The following CACNA1B variants were observed in gnomAD, a reference collection of about 807,000 sequenced individuals.
CACNA1B encodes the protein voltage-dependent N-type calcium channel subunit alpha-1B.
Under a neutral mutation model 247.2 loss-of-function variants are expected in CACNA1B, and 70 were observed. That is an observed-to-expected ratio of 0.28 (90% CI 0.23 to 0.35). The LOEUF (loss-of-function observed/expected upper bound fraction) is 0.35, where lower values mean the gene tolerates loss of function less well. CACNA1B is among the 10% of genes least tolerant of loss of function. CACNA1B has a pLI of 1.00. For synonymous variants in CACNA1B, 1,231 were observed against 1,294.4 expected (o/e 0.95, Z 1.05); for missense variants, 2,367 against 3,197.4 (o/e 0.74, Z 6.26).
chr9:137,961,630 G>C (rs1020050021), intron 10 of CACNA1B, among the ~76,000 whole-genome samples: 1 of 152,092 alleles, frequency 6.6e-6, no homozygotes, highest in African/African-American at 2.4e-5. Context: ...ATAATCATGT[G>C]GTTTTTGCCT....
intron 3 of CACNA1B, chr9:137,892,443 C>A: frequency 2.3e-6 from 1 of 439,008 alleles, no homozygotes; most frequent in South Asian, 1.6e-5. Flanking sequence ...TGCATCATTG[C>A]ATCGTGAAAT....
chr9:137,883,419 G>T (rs1430164015), intron 3 of CACNA1B, among the ~76,000 whole-genome samples: 1 of 152,216 alleles, frequency 6.6e-6, no homozygotes, highest in African/African-American at 2.4e-5. Context: ...GTGCCAGGAA[G>T]GTGCTTCGGC....
intron 15 of CACNA1B, among the ~76,000 whole-genome samples, chr9:138,002,983 T>TAG (rs999419718): frequency 1.3e-5 from 2 of 151,544 alleles, no homozygotes; most frequent in African/African-American, 2.4e-5. Flanking sequence ...GTATTTTTAG[T>TAG]AGACAGGGTT....
chr9:137,962,788 G>A (rs1958034341), intron 10 of CACNA1B, among the ~76,000 whole-genome samples: 1 of 152,150 alleles, frequency 6.6e-6, no homozygotes, highest in African/African-American at 2.4e-5. Flanking sequence ...GCTGAGGAGT[G>A]TTTGACTTCC....
At chr9:138,065,301 C>T (rs1046770428) in intron 31 of CACNA1B, among the ~76,000 whole-genome samples, 5 of 152,154 alleles carry the variant, frequency 3.3e-5, no homozygotes, top group South Asian at 2.1e-4. Context: ...GCAGGACCAC[C>T]GCTTCCCAAG....
In CACNA1B at chr9:138,084,690, G is replaced by A. The variant is rs532767146; in HGVS notation, c.5094+6432G>A. The stretch of plus-strand genomic sequence containing the variant: ...GAAATCACCAGGTGTGGTGGCTCAC[G>A]CCTGTAATCCCAGCACTTTGGGAGG... On this transcript the variant is annotated intron_variant, in intron 36 of 46. Transcript: ENST00000371372. Among the ~76,000 whole-genome samples, 53 of 151,246 alleles carry A rather than the reference G, an allele frequency of 3.5e-4. 3 individuals carry two copies. Among genetic ancestry groups the A allele is most frequent in the African/African-American group, 1.1e-3 (47 of 40,922 alleles).
intron 3 of CACNA1B, among the ~76,000 whole-genome samples, chr9:137,898,941 A>T (rs1957201918): frequency 6.6e-6 from 1 of 151,412 alleles, no homozygotes; most frequent in South Asian, 2.1e-4. Context: ...CAGCCTCCCT[A>T]AAAATTTTTT....
chr9:137,900,564 C>T (rs113540267), intron 3 of CACNA1B, among the ~76,000 whole-genome samples: 10 of 112,188 alleles, frequency 8.9e-5, no homozygotes, highest in Non-Finnish European at 1.4e-4. Context: ...CTGTGTCTGT[C>T]TATGTGTGTC....
At position 138,023,824 on chromosome 9, in the gene CACNA1B, C is replaced by T; in HGVS notation, c.3068+13C>T. 7.9e-7 allele frequency: 1 copy of T among 1,272,294 alleles called. No homozygotes were observed. Among genetic ancestry groups the T allele is most frequent in the Non-Finnish European group, 1.1e-6 (1 of 894,836 alleles). 78.8% of individuals were successfully genotyped at this position (1,272,294 alleles called of 1,614,324 possible). A position where few individuals can be genotyped will look rare whatever the true frequency, so the allele number is the denominator to read the frequency against. ...ACCACCAGCCCCGGTGAGTCCGCGG[C>T]TGGGCGGGGTCAGGGAGGGAAGGGT... is the stretch of plus-strand genomic sequence containing the variant. On this transcript the variant is annotated intron_variant, in intron 19 of 46. Transcript: ENST00000371372.
At chr9:137,968,544 C>T (rs909761013) in intron 10 of CACNA1B, among the ~76,000 whole-genome samples, 2 of 152,234 alleles carry the variant, frequency 1.3e-5, no homozygotes, top group African/African-American at 2.4e-5. Context: ...TTTAGCCTCA[C>T]GTCACTTTTG....
chr9:137,962,620 T>A (rs1033788418), intron 10 of CACNA1B, among the ~76,000 whole-genome samples: 1 of 152,216 alleles, frequency 6.6e-6, no homozygotes, highest in Non-Finnish European at 1.5e-5. Context: ...ACTTTTTGAT[T>A]TCTGCATTAA....
chr9:137,935,037 C>T (rs190949953), intron 6 of CACNA1B, among the ~76,000 whole-genome samples: 59 of 152,290 alleles, frequency 3.9e-4, no homozygotes, highest in Non-Finnish European at 7.6e-4. Flanking sequence ...AATCAGAAGG[C>T]ACCAGAGAAA....
intron 8 of CACNA1B, among the ~76,000 whole-genome samples, chr9:137,956,294 T>G (rs545892309): frequency 2.0e-5 from 3 of 152,286 alleles, no homozygotes; most frequent in African/African-American, 7.2e-5. Flanking sequence ...CTGAGTCCTC[T>G]TCACAGGGGA....
chr9:138,005,782 G>A (rs1028413671), intron 15 of CACNA1B, among the ~76,000 whole-genome samples: 27 of 152,142 alleles, frequency 1.8e-4, no homozygotes, highest in Admixed American at 1.1e-3. Context: ...GGCGGCTCAC[G>A]CCTGTAATCC....
At chr9:137,997,829 T>C (rs1443507351) in intron 15 of CACNA1B, among the ~76,000 whole-genome samples, 2 of 152,162 alleles carry the variant, frequency 1.3e-5, no homozygotes, top group East Asian at 3.9e-4. Context: ...CAAGGAAACA[T>C]GTAAAGCCAT....
Position 138,043,878 on chromosome 9 carries a change from T to C in CACNA1B, c.3391T>C (p.Phe1131Leu). The C allele has an allele frequency of 6.2e-7, 1 of 1,613,954 alleles. No individual in the cohort carries two copies. Among genetic ancestry groups the C allele is most frequent in the Non-Finnish European group, 8.5e-7 (1 of 1,179,856 alleles). ...PRPIVPYSSM[F>L]CLSPTNLLRR... ...GCCTATCGTCCCATACAGCTCCATG[T>C]TCTGTTTAAGCCCCACCAACCTGTG... is the stretch of plus-strand genomic sequence containing the variant. The change falls in exon 21 of 47, where the codon TTC (phenylalanine) becomes CTC (leucine). Residue 1131 changes from phenylalanine (F) to leucine (L), a missense_variant. Coordinates refer to ENST00000371372, the MANE Select transcript of CACNA1B (RefSeq NM_000718.4).
intron 36 of CACNA1B, among the ~76,000 whole-genome samples, chr9:138,088,959 C>CAAAAAAAAAAAAAA (rs56112600): frequency 3.3e-5 from 2 of 61,396 alleles, no homozygotes; most frequent in Non-Finnish European, 6.8e-5. Flanking sequence ...AACTCCGTCT[C>CAAAAAAAAAAAAAA]AAAAAAAAAA....
At chr9:138,026,375 C>T (rs530805635) in intron 20 of CACNA1B, among the ~76,000 whole-genome samples, 3 of 152,288 alleles carry the variant, frequency 2.0e-5, no homozygotes, top group African/African-American at 7.2e-5. Flanking sequence ...AGCCTAGGTT[C>T]CCTACCTGGC....
At chr9:137,901,013 GTC>G (rs1273800001) in intron 3 of CACNA1B, among the ~76,000 whole-genome samples, 1 of 147,456 alleles carries the variant, frequency 6.8e-6, no homozygotes, top group African/African-American at 2.5e-5. Context: ...TGTGCTGTGT[GTC>G]TCTGTGTCCG....
Sources: gnomAD v4.1 joint callset for allele counts (sites outside exome capture counted in the v4.1 genomes callset) on GRCh38, gnomAD v4.1.1 for gene constraint, MANE v1.5 for transcripts, NCBI Gene and HGNC (gene_info 2026-07-23, HGNC 2026-07-21) for gene names.